The following PCDHA4 variants were observed in gnomAD, a reference collection of about 807,000 sequenced individuals.
PCDHA4 encodes protocadherin alpha-4.
Under a neutral mutation model 61.4 loss-of-function variants are expected in PCDHA4, and 49 were observed. The observed-to-expected ratio is 0.80, with a 90% CI of 0.63 to 1.01. PCDHA4 has a LOEUF of 1.01. PCDHA4 is among the 50% of genes least tolerant of loss of function. The pLI is 0.00. For synonymous variants in PCDHA4, 590 were observed against 550.3 expected, an observed-to-expected ratio of 1.07 and a Z score of -1.01; for missense variants, 1,254 against 1,235.8, an observed-to-expected ratio of 1.01 and a Z score of -0.22.
intron 1 of PCDHA4, among the ~76,000 whole-genome samples, chr5:140,894,564 T>C (rs1554186142): frequency 6.6e-6 from 1 of 151,978 alleles, no homozygotes; most frequent in Non-Finnish European, 1.5e-5. Context: ...GAAAAAATTA[T>C]TTTCCTTTTT....
At chr5:140,907,927 T>C (rs970960629) in intron 1 of PCDHA4, among the ~76,000 whole-genome samples, 14 of 152,220 alleles carry the variant, frequency 9.2e-5, no homozygotes, top group Admixed American at 9.2e-4. Flanking sequence ...GAGAGGTCCA[T>C]TCACATACCT....
At chr5:140,965,827 A>G (rs2095939185) in intron 1 of PCDHA4, among the ~76,000 whole-genome samples, 1 of 152,172 alleles carries the variant, frequency 6.6e-6, no homozygotes, top group Non-Finnish European at 1.5e-5. Context: ...TAAACATTTA[A>G]ATATTGGTTA....
chr5:140,869,654 C>G, intron 1 of PCDHA4: 2 of 1,613,446 alleles, frequency 1.2e-6, no homozygotes, highest in African/African-American at 1.3e-5. Context: ...GATTCACCAA[C>G]AAATGGTAAG....
rs782453395 is a variant in PCDHA4 at position 140,875,890 on chromosome 5, G to T, written c.2385+66318G>T. 79 of 1,614,062 alleles carry T rather than the reference G, an allele frequency of 4.9e-5. No homozygotes were observed. Among genetic ancestry groups the T allele is most frequent in the Non-Finnish European group, 5.9e-5 (70 of 1,180,034 alleles). On this transcript the variant is annotated intron_variant, in intron 1 of 3. Coordinates refer to ENST00000530339, the MANE Select transcript of PCDHA4 (RefSeq NM_018907.4). ...GGTGTTCAGAGAAAGGGAACAAAAG[G>T]TACCTGTTTCTGAATCTGCGCCTCT...
At chr5:140,891,330 T>G (rs995602420) in intron 1 of PCDHA4, among the ~76,000 whole-genome samples, 14 of 152,108 alleles carry the variant, frequency 9.2e-5, no homozygotes, top group Non-Finnish European at 1.9e-4. Flanking sequence ...TGGTGGTGAT[T>G]TGTGAGATTT....
intron 2 of PCDHA4, among the ~76,000 whole-genome samples, chr5:140,979,303 C>A (rs1048294748): frequency 6.6e-6 from 1 of 152,148 alleles, no homozygotes; most frequent in Non-Finnish European, 1.5e-5. Context: ...CTCCTTCATC[C>A]CTCTCTACCT....
chr5:140,895,561 T>C (rs1011627715), intron 1 of PCDHA4, among the ~76,000 whole-genome samples: 2 of 152,240 alleles, frequency 1.3e-5, no homozygotes, highest in Non-Finnish European at 2.9e-5. Flanking sequence ...TCTTTATATA[T>C]TCTAGATGCA....
intron 1 of PCDHA4, among the ~76,000 whole-genome samples, chr5:140,945,731 A>G (rs1021363337): frequency 2.6e-5 from 4 of 152,144 alleles, no homozygotes; most frequent in Non-Finnish European, 4.4e-5. Flanking sequence ...TACAATGGAA[A>G]AAGGACAGCC....
At chr5:140,948,773 G>A (rs991446033) in intron 1 of PCDHA4, among the ~76,000 whole-genome samples, 12 of 151,352 alleles carry the variant, frequency 7.9e-5, no homozygotes, top group Non-Finnish European at 1.6e-4. Context: ...CGAATAGCCA[G>A]CTTTTGGCTT....
intron 1 of PCDHA4, among the ~76,000 whole-genome samples, chr5:140,935,509 C>T (rs2090411551): frequency 6.6e-6 from 1 of 152,080 alleles, no homozygotes; most frequent in Admixed American, 6.6e-5. Context: ...TTACAAATGC[C>T]CAGTAGGCAT....
At chr5:140,946,705 T>A (rs246053) in intron 1 of PCDHA4, among the ~76,000 whole-genome samples, 81,982 of 146,914 alleles carry the variant, frequency 0.56, 23,474 homozygotes, top group African/African-American at 0.69. Context: ...AATCTGGAGG[T>A]CATTATGTTT....
chr5:140,915,606 C>A (rs2077190807), intron 1 of PCDHA4, among the ~76,000 whole-genome samples: 1 of 150,452 alleles, frequency 6.6e-6, no homozygotes, highest in African/African-American at 2.5e-5. Context: ...CCCTTACTTT[C>A]TGTCAAACAG....
intron 2 of PCDHA4, among the ~76,000 whole-genome samples, chr5:140,980,840 A>G (rs1248070793): frequency 1.3e-5 from 2 of 152,200 alleles, no homozygotes; most frequent in African/African-American, 4.8e-5. Context: ...GAACCTAAAT[A>G]ATACTAATCT....
chr5:140,921,634 T>C (rs1324251436), intron 1 of PCDHA4, among the ~76,000 whole-genome samples: 1 of 152,220 alleles, frequency 6.6e-6, no homozygotes, highest in Non-Finnish European at 1.5e-5. Context: ...ATCATTATGG[T>C]AGCTATTTTA....
intron 1 of PCDHA4, among the ~76,000 whole-genome samples, chr5:140,886,928 C>T (rs2061230435): frequency 6.6e-6 from 1 of 151,686 alleles, no homozygotes; most frequent in African/African-American, 2.4e-5. Flanking sequence ...TCTCTATGTG[C>T]CAGGCATGTT....
At chr5:140,928,397 C>T in intron 1 of PCDHA4, 1 of 1,614,082 alleles carries the variant, frequency 6.2e-7, no homozygotes, top group East Asian at 2.2e-5. Context: ...GCAGTGGAAT[C>T]ATCCAGTGGG....
intron 1 of PCDHA4, among the ~76,000 whole-genome samples, chr5:140,879,621 T>G (rs1050176793): frequency 5.9e-5 from 9 of 152,076 alleles, no homozygotes; most frequent in African/African-American, 2.2e-4. Context: ...GGTACTTAGG[T>G]GGGTAAGTGT....
Position 140,807,606 on chromosome 5 carries a change from T to C in PCDHA4, c.419T>C (p.Leu140Pro). The C allele has an allele frequency of 6.2e-7, 1 of 1,614,174 alleles. No individual in the cohort carries two copies. The change falls in exon 1 of 4, where the codon CTG becomes CCG. Residue 140 changes from leucine (L) to proline (P), a missense_variant. Coordinates refer to ENST00000530339, the MANE Select transcript of PCDHA4 (RefSeq NM_018907.4). The part of the protein sequence containing the change: ...PPVFPATQKN[L>P]SIAESRPLDS... Reference sequence around the variant, plus strand: ...GTGTTCCCAGCAACACAAAAGAACCTGTCCATCGCGGAATCCAGGCCGCTT... The same window carrying C: ...GTGTTCCCAGCAACACAAAAGAACCCGTCCATCGCGGAATCCAGGCCGCTT...
intron 1 of PCDHA4, among the ~76,000 whole-genome samples, chr5:140,978,254 A>T (rs2096794173): frequency 6.6e-6 from 1 of 152,228 alleles, no homozygotes; most frequent in Non-Finnish European, 1.5e-5. Context: ...TCCCTGTTAA[A>T]CAATCAGAGC....
Sources: gnomAD v4.1 joint callset for allele counts (sites outside exome capture counted in the v4.1 genomes callset) on GRCh38, gnomAD v4.1.1 for gene constraint, MANE v1.5 for transcripts, NCBI Gene and HGNC (gene_info 2026-07-23, HGNC 2026-07-21) for gene names.